Variants in CDH12 observed in about 807,000 individuals in gnomAD.
CDH12 encodes cadherin-12.
In CDH12, 41 loss-of-function variants were observed where a neutral mutation model predicts 74.1. The observed-to-expected ratio is 0.55, with a 90% confidence interval of 0.43 to 0.72. The LOEUF (loss-of-function observed/expected upper bound fraction) is 0.72, where lower values mean the gene tolerates loss of function less well. CDH12 is among the 30% of genes least tolerant of loss of function. The probability of loss-of-function intolerance (pLI) is 0.00; values close to 1 mark genes in which losing one functional copy is unlikely to be tolerated. For missense variants in CDH12, 945 were observed against 977.2 expected, an observed-to-expected ratio of 0.97 and a Z score of 0.44; for synonymous variants, 399 against 355.0, an observed-to-expected ratio of 1.12 and a Z score of -1.39.
rs962721447 is a variant in CDH12, at chr5:22,779,312, A to G, written c.-523+73746T>C. ...CATATGGGAAAAATATTTTCACTAT[A>G]AACAAATACATTTCACAAAGGACAT... On this transcript the variant is annotated intron_variant, in intron 1 of 14. Transcript: ENST00000382254. 2.4e-4 allele frequency among the ~76,000 whole-genome samples: 37 copies of G among 151,956 alleles called. 1 individual carries two copies. The highest frequency in any genetic ancestry group is 8.4e-4 in the African/African-American group (35 of 41,450).
intron 6 of CDH12, among the ~76,000 whole-genome samples, chr5:21,970,608 G>T (rs1391883979): frequency 2.0e-5 from 3 of 151,722 alleles, no homozygotes; most frequent in African/African-American, 7.3e-5. Context: ...GGGAGGCCGA[G>T]GCAGGCAAAT....
At chr5:22,555,695 T>C (rs573913587) in intron 1 of CDH12, among the ~76,000 whole-genome samples, 21 of 152,192 alleles carry the variant, frequency 1.4e-4, no homozygotes, top group African/African-American at 4.8e-4. Flanking sequence ...AGATGTGTGC[T>C]TTAGACCTAT....
intron 5 of CDH12, among the ~76,000 whole-genome samples, chr5:21,982,659 A>G (rs1042927666): frequency 6.6e-6 from 1 of 151,832 alleles, no homozygotes. Flanking sequence ...ATCTATAGCT[A>G]TATCAACATC....
chr5:21,840,415 C>G (rs1749771662), intron 8 of CDH12, among the ~76,000 whole-genome samples: 1 of 144,692 alleles, frequency 6.9e-6, no homozygotes, highest in South Asian at 2.1e-4. Flanking sequence ...AAATGTTCAA[C>G]CCTGAAGATT....
In CDH12 at chr5:21,816,926, CCAA is replaced by C; in HGVS notation, c.1002+16_1002+18del. On this transcript the variant is annotated intron_variant, in intron 9 of 14. Coordinates refer to ENST00000382254, the MANE Select transcript of CDH12 (RefSeq NM_004061.5). ...AATTATTATTTAGTAGTCAACTGTC[CCAA>C]CATTTGTCTATATACCTTTTTCAAT... The C allele has an allele frequency of 1.4e-6, 2 of 1,466,090 alleles. No homozygotes were observed. The highest frequency in any genetic ancestry group is 1.9e-6 in the Non-Finnish European group (2 of 1,077,054). The allele number at this position is 1,466,090 out of a possible 1,614,324, so 90.8% of individuals were successfully genotyped here. A position where few individuals can be genotyped will look rare whatever the true frequency, so the allele number is the denominator to read the frequency against.
chr5:21,993,517 ATGT>A (rs2150137448), intron 5 of CDH12, among the ~76,000 whole-genome samples: 1 of 152,344 alleles, frequency 6.6e-6, no homozygotes, highest in African/African-American at 2.4e-5. Context: ...AAGCAAATAC[ATGT>A]GTTAAAGCTG....
chr5:22,526,332 T>C (rs1737279616), intron 1 of CDH12, among the ~76,000 whole-genome samples: 2 of 152,322 alleles, frequency 1.3e-5, no homozygotes, highest in Admixed American at 6.5e-5. Flanking sequence ...TAGACCAGTT[T>C]GATATCTTGC....
chr5:22,673,986 T>A (rs778389653), intron 1 of CDH12, among the ~76,000 whole-genome samples: 1 of 152,192 alleles, frequency 6.6e-6, no homozygotes, highest in Non-Finnish European at 1.5e-5. Flanking sequence ...AGGTAACAGA[T>A]GACTATTTTG....
chr5:21,823,882 T>C (rs1354116017), intron 8 of CDH12, among the ~76,000 whole-genome samples: 1 of 152,148 alleles, frequency 6.6e-6, no homozygotes, highest in African/African-American at 2.4e-5. Flanking sequence ...CAAACTTTTT[T>C]TTTTATTTGT....
At chr5:22,323,525 T>G (rs1738968675) in intron 3 of CDH12, among the ~76,000 whole-genome samples, 1 of 152,182 alleles carries the variant, frequency 6.6e-6, no homozygotes, top group Non-Finnish European at 1.5e-5. Context: ...ATTATATATT[T>G]TATGTTTATT....
At chr5:22,772,409 C>A (rs1417019212) in intron 1 of CDH12, among the ~76,000 whole-genome samples, 1 of 151,838 alleles carries the variant, frequency 6.6e-6, no homozygotes, top group East Asian at 1.9e-4. Flanking sequence ...CACACCTAAC[C>A]TCAAAAGTGG....
intron 3 of CDH12, among the ~76,000 whole-genome samples, chr5:22,232,507 C>T (rs1752419499): frequency 6.6e-6 from 1 of 151,732 alleles, no homozygotes; most frequent in Non-Finnish European, 1.5e-5. Flanking sequence ...CATCTAGCAA[C>T]GATCTTTGGG....
intron 1 of CDH12, among the ~76,000 whole-genome samples, chr5:22,511,225 G>T (rs115398087): frequency 0.018 from 2,670 of 152,098 alleles, 80 homozygotes; most frequent in African/African-American, 0.062. Context: ...AATAGGAAAA[G>T]CTTTCTTTAA....
chr5:22,684,017 A>G (rs557968957), intron 1 of CDH12, among the ~76,000 whole-genome samples: 3 of 152,352 alleles, frequency 2.0e-5, no homozygotes, highest in Admixed American at 6.5e-5. Flanking sequence ...AGTTAAGGAC[A>G]ATGTTACAGA....
chr5:22,196,642 CT>C (rs1391832484), intron 4 of CDH12, among the ~76,000 whole-genome samples: 1 of 152,154 alleles, frequency 6.6e-6, no homozygotes, highest in Non-Finnish European at 1.5e-5. Flanking sequence ...AAAAGGATAT[CT>C]GCAAGGGGAC....
At chr5:22,204,489 G>A (rs549732430) in intron 4 of CDH12, among the ~76,000 whole-genome samples, 53 of 152,312 alleles carry the variant, frequency 3.5e-4, no homozygotes, top group Admixed American at 5.2e-4. Flanking sequence ...TTAAGTAGCT[G>A]ATAACATGTA....
chr5:22,262,274 C>A (rs1036119073), intron 3 of CDH12, among the ~76,000 whole-genome samples: 1 of 119,988 alleles, frequency 8.3e-6, no homozygotes, highest in Non-Finnish European at 1.7e-5. Context: ...CCCCCTCCCC[C>A]CACCCCACAA....
At chr5:22,323,289 A>T (rs1209341989) in intron 3 of CDH12, among the ~76,000 whole-genome samples, 1 of 152,142 alleles carries the variant, frequency 6.6e-6, no homozygotes, top group Non-Finnish European at 1.5e-5. Flanking sequence ...AATTCATAGT[A>T]TTACAATTAA....
intron 1 of CDH12, among the ~76,000 whole-genome samples, chr5:22,820,163 A>G (rs112615734): frequency 3.9e-4 from 60 of 151,902 alleles, no homozygotes; most frequent in African/African-American, 1.4e-3. Flanking sequence ...AGACCAAAAA[A>G]TTAAAAATGA....
Sources: gnomAD v4.1 joint callset for allele counts (sites outside exome capture counted in the v4.1 genomes callset) on GRCh38, gnomAD v4.1.1 for gene constraint, MANE v1.5 for transcripts, NCBI Gene and HGNC (gene_info 2026-07-23, HGNC 2026-07-21) for gene names.